The following RIT2 variants were observed in gnomAD, a reference collection of about 807,000 sequenced individuals.
RIT2 encodes Ras like without CAAX 2, also known as GTP-binding protein Rit2.
RIT2 carries 24 observed loss-of-function variants against 23.7 expected under a neutral mutation model. The ratio of observed to expected loss-of-function variants is 1.01; its 90% CI spans 0.73 to 1.43. The LOEUF (loss-of-function observed/expected upper bound fraction) is 1.43, where lower values mean the gene tolerates loss of function less well. Among genes scored for constraint, RIT2 ranks in the 40% most tolerant of loss-of-function variants. The pLI, the probability that RIT2 is intolerant of heterozygous loss-of-function variation, is 0.00. For missense variants in RIT2, 236 were observed against 266.9 expected, an observed-to-expected ratio of 0.88 and a Z score of 0.81; for synonymous variants, 107 against 91.1, an observed-to-expected ratio of 1.17 and a Z score of -0.99.
intron 4 of RIT2, among the ~76,000 whole-genome samples, chr18:42,821,592 C>G (rs77267037): frequency 0.016 from 2,446 of 152,102 alleles, 74 homozygotes; most frequent in African/African-American, 0.056. Flanking sequence ...GTAGAAGGCA[C>G]GGAGCCGTAG....
chr18:42,946,267 T>G (rs1196065380), intron 3 of RIT2, among the ~76,000 whole-genome samples: 1 of 152,078 alleles, frequency 6.6e-6, no homozygotes, highest in Non-Finnish European at 1.5e-5. Flanking sequence ...ACCTCAAAAT[T>G]TGCATTTCTA....
At chr18:42,991,971 C>T (rs945633906) in intron 2 of RIT2, among the ~76,000 whole-genome samples, 1 of 151,910 alleles carries the variant, frequency 6.6e-6, no homozygotes, top group Non-Finnish European at 1.5e-5. Context: ...TTGGTAAGAA[C>T]CCCCATCCCT....
intron 2 of RIT2, among the ~76,000 whole-genome samples, chr18:43,023,244 G>A (rs969679421): frequency 4.6e-5 from 7 of 152,014 alleles, no homozygotes; most frequent in African/African-American, 1.7e-4. Context: ...CCTCTTTTAT[G>A]TAGTTTTGCC....
chr18:42,750,231 A>T (rs1312614151), intron 4 of RIT2, among the ~76,000 whole-genome samples: 2 of 151,810 alleles, frequency 1.3e-5, no homozygotes, highest in Non-Finnish European at 3.0e-5. Context: ...CACATTACAC[A>T]ATTACATTTT....
At chr18:42,792,350 G>C (rs1914063060) in intron 4 of RIT2, among the ~76,000 whole-genome samples, 1 of 152,060 alleles carries the variant, frequency 6.6e-6, no homozygotes, top group Admixed American at 6.6e-5. Context: ...TAGTACACGG[G>C]GGAAATAACT....
chr18:42,767,321 T>G (rs947615498), intron 4 of RIT2, among the ~76,000 whole-genome samples: 4 of 152,196 alleles, frequency 2.6e-5, no homozygotes, highest in African/African-American at 9.6e-5. Flanking sequence ...CAGCATGACA[T>G]GGATGTGAGA....
intron 1 of RIT2, among the ~76,000 whole-genome samples, chr18:43,058,932 T>C (rs1912574832): frequency 6.6e-6 from 1 of 152,044 alleles, no homozygotes. Context: ...ATTGAACCCT[T>C]GAGCCTATTA....
chr18:43,032,207 T>C (rs180990349), intron 2 of RIT2, among the ~76,000 whole-genome samples: 90 of 152,218 alleles, frequency 5.9e-4, no homozygotes, highest in Admixed American at 5.9e-3. Context: ...TCTCAAGTGA[T>C]AGATGTGTCT....
At chr18:43,007,970 G>A (rs1911264503) in intron 2 of RIT2, among the ~76,000 whole-genome samples, 1 of 151,560 alleles carries the variant, frequency 6.6e-6, no homozygotes, top group Non-Finnish European at 1.5e-5. Flanking sequence ...AAGAAACTAA[G>A]CATTGATTAT....
chr18:43,070,562 G>A (rs779520899), intron 1 of RIT2, among the ~76,000 whole-genome samples: 4 of 152,258 alleles, frequency 2.6e-5, no homozygotes, highest in Admixed American at 6.5e-5. Context: ...ACATTTGTTC[G>A]CAGGTCACAC....
intron 3 of RIT2, among the ~76,000 whole-genome samples, chr18:42,936,187 G>A (rs371685571): frequency 6.6e-6 from 1 of 151,920 alleles, no homozygotes; most frequent in Non-Finnish European, 1.5e-5. Context: ...GCTCCAGTTG[G>A]CCTTCAATTC....
chr18:42,932,197 T>C (rs1249807234), intron 3 of RIT2, among the ~76,000 whole-genome samples: 1 of 152,060 alleles, frequency 6.6e-6, no homozygotes, highest in Admixed American at 6.6e-5. Flanking sequence ...ACATCAGAAG[T>C]ACAACCAGGA....
At chr18:42,964,777 C>T (rs573821859) in intron 3 of RIT2, among the ~76,000 whole-genome samples, 1 of 152,328 alleles carries the variant, frequency 6.6e-6, no homozygotes, top group South Asian at 2.1e-4. Flanking sequence ...TTTGTCTCAT[C>T]ATTTTTCCTG....
intron 4 of RIT2, among the ~76,000 whole-genome samples, chr18:42,841,292 C>T (rs186028227): frequency 2.0e-5 from 3 of 152,280 alleles, no homozygotes; most frequent in African/African-American, 7.2e-5. Context: ...AAACAGCCTT[C>T]AGTTTGCATA....
At chr18:42,983,533 T>C (rs942478813) in intron 2 of RIT2, among the ~76,000 whole-genome samples, 2 of 152,076 alleles carry the variant, frequency 1.3e-5, no homozygotes, top group South Asian at 2.1e-4. Context: ...TCTTTTACTC[T>C]ATGAAAGACT....
chr18:42,868,899 G>A (rs1017208990), intron 4 of RIT2, among the ~76,000 whole-genome samples: 9 of 152,112 alleles, frequency 5.9e-5, no homozygotes, highest in South Asian at 4.2e-4. Context: ...ATTATAAAAC[G>A]TCTGTGACAG....
At chr18:42,809,256 G>T (rs970570441) in intron 4 of RIT2, among the ~76,000 whole-genome samples, 2 of 152,042 alleles carry the variant, frequency 1.3e-5, no homozygotes, top group Non-Finnish European at 2.9e-5. Flanking sequence ...AAAAATAGGG[G>T]CACGGTTAAA....
intron 4 of RIT2, among the ~76,000 whole-genome samples, chr18:42,829,602 T>C (rs1906399026): frequency 6.6e-6 from 1 of 152,114 alleles, no homozygotes; most frequent in Non-Finnish European, 1.5e-5. Context: ...CATCTGTTGT[T>C]AGATGGGACT....
At chr18:42,889,681 A>T (rs1441568084) in intron 4 of RIT2, among the ~76,000 whole-genome samples, 2 of 152,106 alleles carry the variant, frequency 1.3e-5, no homozygotes. Context: ...TGATGGACAC[A>T]TTATTGACAA....
Sources: allele counts gnomAD v4.1 joint callset (sites outside exome capture counted in the v4.1 genomes callset), GRCh38; gene constraint gnomAD v4.1.1; transcripts MANE v1.5; gene names NCBI Gene and HGNC (gene_info 2026-07-23, HGNC 2026-07-21).